The following STX2 variants were observed in gnomAD, a reference collection of about 807,000 sequenced individuals.
STX2 encodes syntaxin 2.
In STX2, 27 loss-of-function variants were observed where a neutral mutation model predicts 40.6. The observed-to-expected ratio is 0.66, with a 90% CI of 0.49 to 0.92. STX2 has a LOEUF of 0.92. STX2 is among the 40% of genes least tolerant of loss of function. The probability of loss-of-function intolerance (pLI) is 0.00; values close to 1 mark genes in which losing one functional copy is unlikely to be tolerated. For missense variants in STX2, 328 were observed against 366.1 expected (o/e 0.90, Z 0.85); for synonymous variants, 123 against 119.1 (o/e 1.03, Z -0.22).
intron 2 of STX2, among the ~76,000 whole-genome samples, chr12:130,825,784 G>GGA (rs1952278383): frequency 1.3e-5 from 2 of 152,156 alleles, no homozygotes; most frequent in South Asian, 4.1e-4. Flanking sequence ...AGGCTGCTGA[G>GGA]TGAAACTATC....
chr12:130,830,504 C>A (rs1442757869), intron 1 of STX2, among the ~76,000 whole-genome samples: 1 of 152,212 alleles, frequency 6.6e-6, no homozygotes, highest in Non-Finnish European at 1.5e-5. Context: ...TGCTGGTAAA[C>A]AATTTGTTTC....
rs996393322 is a variant in STX2 at position 130,828,370 on chromosome 12, T to A, written c.31-1103A>T. Reference sequence around the variant, plus strand: ...AACCTCCTGAATAGCTAGGATTACATGCACCTGCCACCACACCCGGCTTTT... The same window carrying A: ...AACCTCCTGAATAGCTAGGATTACAAGCACCTGCCACCACACCCGGCTTTT... On this transcript the variant is annotated intron_variant, in intron 1 of 10. Coordinates refer to ENST00000392373, the MANE Select transcript of STX2 (RefSeq NM_194356.4). Among the ~76,000 whole-genome samples the A allele has an allele frequency of 2.6e-4, 39 of 149,164 alleles. No homozygotes were observed. The East Asian group carries it at 3.1e-3, about 12-fold the overall frequency.
chr12:130,838,791 T>A (rs1391219208), intron 1 of STX2, among the ~76,000 whole-genome samples: 2 of 151,740 alleles, frequency 1.3e-5, no homozygotes, highest in Non-Finnish European at 2.9e-5. Flanking sequence ...CGCTCCCTCC[T>A]CCTGCCCCAA....
intron 4 of STX2, among the ~76,000 whole-genome samples, chr12:130,811,126 G>A (rs1951632020): frequency 6.6e-6 from 1 of 152,178 alleles, no homozygotes; most frequent in Non-Finnish European, 1.5e-5. Context: ...GGGAGGCTGA[G>A]ACTGGCGGAT....
chr12:130,818,377 AG>A (rs1951970345), intron 3 of STX2, among the ~76,000 whole-genome samples: 1 of 115,168 alleles, frequency 8.7e-6, no homozygotes, highest in Admixed American at 8.6e-5. Flanking sequence ...ACTCCTCTGG[AG>A]GGTGGGGGGG....
intron 6 of STX2, 77 bp from the exon 7 acceptor site, chr12:130,801,565 G>C: frequency 7.1e-7 from 1 of 1,412,992 alleles, no homozygotes; most frequent in Non-Finnish European, 9.4e-7. Context: ...CCATAAGTTA[G>C]CAACTACAAT....
chr12:130,830,761 A>C (rs1348598369), intron 1 of STX2, among the ~76,000 whole-genome samples: 1 of 152,202 alleles, frequency 6.6e-6, no homozygotes, highest in Non-Finnish European at 1.5e-5. Flanking sequence ...GTCTTCAATG[A>C]ATGTCCATGT....
intron 2 of STX2, among the ~76,000 whole-genome samples, chr12:130,822,445 A>C (rs894999457): frequency 5.9e-5 from 9 of 152,064 alleles, no homozygotes; most frequent in African/African-American, 1.4e-4. Context: ...AATAATAATA[A>C]TACTCTTATG....
In STX2 at chr12:130,801,268, G is replaced by A. The variant is rs1171370826; in HGVS notation, c.560C>T (p.Thr187Ile). The A allele has an allele frequency of 1.9e-6, 3 of 1,612,586 alleles. No individual in the cohort carries two copies. Among genetic ancestry groups the A allele is most frequent in the Middle Eastern group, 1.7e-4 (1 of 6,058 alleles). ...TSDIISDSQI[T>I]RQALNEIESR... Reference sequence around the variant, plus strand: ...CTCGATTTCATTGAGAGCTTGTCTAGTAATTTGTGAATCTGATATAATCTT... The same window carrying A: ...CTCGATTTCATTGAGAGCTTGTCTAATAATTTGTGAATCTGATATAATCTT... Residue 187 changes from threonine to isoleucine, a missense_variant, in exon 8 of 11, where the codon ACT (threonine) becomes ATT (isoleucine). Transcript: ENST00000392373.
At chr12:130,807,829 AC>A (rs1473631645) in intron 5 of STX2, among the ~76,000 whole-genome samples, 1 of 152,192 alleles carries the variant, frequency 6.6e-6, no homozygotes, top group Non-Finnish European at 1.5e-5. Flanking sequence ...TCCCAAAGGG[AC>A]AGTTAAGCTT....
At chr12:130,811,237 A>G (rs797011001) in intron 4 of STX2, among the ~76,000 whole-genome samples, 94 of 151,988 alleles carry the variant, frequency 6.2e-4, no homozygotes, top group African/African-American at 2.2e-3. Context: ...GGGCGCCTGT[A>G]GTCCCAGCTA....
chr12:130,825,611 T>C (rs1021703648), intron 2 of STX2, among the ~76,000 whole-genome samples: 1 of 152,252 alleles, frequency 6.6e-6, no homozygotes, highest in African/African-American at 2.4e-5. Context: ...TCATGGTTTT[T>C]TCCTTTAAAT....
intron 8 of STX2, among the ~76,000 whole-genome samples, chr12:130,799,278 A>G (rs1334216890): frequency 2.0e-5 from 3 of 152,254 alleles, no homozygotes; most frequent in African/African-American, 7.2e-5. Context: ...ATCTCTGACT[A>G]TGCACACATT....
intron 6 of STX2, among the ~76,000 whole-genome samples, chr12:130,804,562 C>G (rs10773822): frequency 0.49 from 74,558 of 151,686 alleles, 20,431 homozygotes; most frequent in East Asian, 0.88. Context: ...AGAACACTTT[C>G]TGAGGGCAGG....
In STX2 at chr12:130,790,952, G is replaced by C. The variant is rs953205169; in HGVS notation, c.*1071C>G. Reference sequence around the variant, plus strand: ...AGGGGCTTTGCAGCCAATGTTTTCCGTGACAATGGGAAACTTTAAACAACT... The same window carrying C: ...AGGGGCTTTGCAGCCAATGTTTTCCCTGACAATGGGAAACTTTAAACAACT... On this transcript the variant is annotated 3_prime_UTR_variant, in exon 11 of 11. Coordinates refer to ENST00000392373, the MANE Select transcript of STX2 (RefSeq NM_194356.4). The C allele has an allele frequency of 6.6e-6, 1 of 151,540 alleles. No individual in the cohort carries two copies. The highest frequency in any genetic ancestry group is 2.4e-5 in the African/African-American group (1 of 41,390). The allele number at this position is 151,540 out of a possible 1,614,324, so 9.4% of individuals were successfully genotyped here. A position where few individuals can be genotyped will look rare whatever the true frequency, so the allele number is the denominator to read the frequency against.
intron 3 of STX2, among the ~76,000 whole-genome samples, chr12:130,820,793 C>A (rs4759522): frequency 6.8e-4 from 103 of 152,346 alleles, no homozygotes; most frequent in African/African-American, 2.2e-3. Context: ...CCCACAGCAC[C>A]GCACAGACCG....
intron 2 of STX2, among the ~76,000 whole-genome samples, chr12:130,824,291 A>T (rs948299466): frequency 1.3e-5 from 2 of 152,138 alleles, no homozygotes; most frequent in African/African-American, 4.8e-5. Context: ...GGAGGCTGAC[A>T]AGAGAATTGC....
intron 3 of STX2, among the ~76,000 whole-genome samples, chr12:130,813,884 A>T (rs1217355048): frequency 6.6e-6 from 1 of 152,150 alleles, no homozygotes; most frequent in African/African-American, 2.4e-5. Context: ...CGTTTTAGAG[A>T]GTCCTGCACT....
chr12:130,796,207 G>A (rs34749116), intron 9 of STX2, 87 bp from the exon 10 acceptor site: 510,225 of 1,549,594 alleles, frequency 0.33, 85,850 homozygotes, highest in African/African-American at 0.41. Flanking sequence ...AAAATAAAAC[G>A]ACCTGGCCAG....
Sources: allele counts gnomAD v4.1 joint callset (sites outside exome capture counted in the v4.1 genomes callset), GRCh38; gene constraint gnomAD v4.1.1; transcripts MANE v1.5; gene names NCBI Gene and HGNC (gene_info 2026-07-23, HGNC 2026-07-21).